SLC1A2: variants seen among roughly 807,000 people sequenced by gnomAD.
The protein encoded by SLC1A2 is solute carrier family 1 member 2.
In SLC1A2, 15 loss-of-function variants were observed where a neutral mutation model predicts 48.8. The ratio of observed to expected loss-of-function variants is 0.31; its 90% CI spans 0.21 to 0.47. The LOEUF (loss-of-function observed/expected upper bound fraction) is 0.47, where lower values mean the gene tolerates loss of function less well. SLC1A2 is among the 20% of genes least tolerant of loss of function. The pLI is 0.99. For missense variants in SLC1A2, 502 were observed against 730.5 expected, an observed-to-expected ratio of 0.69 and a Z score of 3.61; for synonymous variants, 279 against 272.6, an observed-to-expected ratio of 1.02 and a Z score of -0.23.
chr11:35,385,501 C>A (rs1458983441), intron 1 of SLC1A2, among the ~76,000 whole-genome samples: 1 of 152,174 alleles, frequency 6.6e-6, no homozygotes, highest in Non-Finnish European at 1.5e-5. Context: ...ACAGAAGAAC[C>A]TGCAGAGGGG....
rs1851918581 is a variant in SLC1A2, at chr11:35,317,418, T to C, written c.116A>G (p.Asp39Gly). 1.2e-6 allele frequency: 2 copies of C among 1,614,034 alleles called. No homozygotes were observed. ...KHRHLGLRLC[D>G]KLGKNLLLTL... ...GAGCAGCAGATTCTTCCCCAGCTTG[T>C]CACACAGGCGCAGGCCCAGGTGCCG... Residue 39 changes from aspartate (D) to glycine (G), a missense_variant, in exon 2 of 11, where the codon GAC (aspartate) becomes GGC (glycine). Asp to Gly is a moderately conservative substitution (Grantham distance 94). Around this residue, in one of 4 missense-constraint regions of SLC1A2, gnomAD observed 89 missense variants for 119.7 expected, o/e 0.74. Coordinates refer to ENST00000278379, the MANE Select transcript of SLC1A2 (RefSeq NM_004171.4).
intron 1 of SLC1A2, among the ~76,000 whole-genome samples, chr11:35,415,126 G>GT (rs994200081): frequency 1.8e-4 from 27 of 152,296 alleles, no homozygotes; most frequent in African/African-American, 6.0e-4. Context: ...TATATTGCTC[G>GT]TTTTTTGCAG....
chr11:35,355,346 C>G (rs146108590), intron 1 of SLC1A2, among the ~76,000 whole-genome samples: 1 of 152,234 alleles, frequency 6.6e-6, no homozygotes, highest in African/African-American at 2.4e-5. Flanking sequence ...CCTCCCAACC[C>G]TTCACACCCT....
chr11:35,278,875 C>T (rs1297372537), intron 9 of SLC1A2, among the ~76,000 whole-genome samples: 3 of 151,854 alleles, frequency 2.0e-5, no homozygotes, highest in Admixed American at 6.6e-5. Flanking sequence ...AAAAATTAGC[C>T]GGGTGTGGTG....
intron 1 of SLC1A2, among the ~76,000 whole-genome samples, chr11:35,335,246 A>T (rs7114383): frequency 0.22 from 33,572 of 152,108 alleles, 3,806 homozygotes; most frequent in Middle Eastern, 0.27. Context: ...TCTCATCAAC[A>T]TACCCAACCT....
At chr11:35,411,558 A>G (rs1855461918) in intron 1 of SLC1A2, among the ~76,000 whole-genome samples, 1 of 152,172 alleles carries the variant, frequency 6.6e-6, no homozygotes, top group African/African-American at 2.4e-5. Flanking sequence ...CACGCTCAAG[A>G]GATCCTCTCG....
intron 1 of SLC1A2, among the ~76,000 whole-genome samples, chr11:35,328,042 G>C (rs1185272418): frequency 6.6e-6 from 1 of 152,214 alleles, no homozygotes; most frequent in African/African-American, 2.4e-5. Context: ...AGGAAGTGCT[G>C]CTAAATGAGA....
chr11:35,361,370 A>G (rs1381876814), intron 1 of SLC1A2, among the ~76,000 whole-genome samples: 1 of 152,224 alleles, frequency 6.6e-6, no homozygotes, highest in Non-Finnish European at 1.5e-5. Flanking sequence ...TATTTTTCTT[A>G]TGTAAGAACT....
At chr11:35,305,108 G>A (rs1374004002) in intron 5 of SLC1A2, among the ~76,000 whole-genome samples, 1 of 152,136 alleles carries the variant, frequency 6.6e-6, no homozygotes, top group Admixed American at 6.5e-5. Context: ...CCTATTTCCT[G>A]TCTCGGGGAC....
At chr11:35,314,109 C>A (rs987953342) in intron 3 of SLC1A2, among the ~76,000 whole-genome samples, 1 of 152,144 alleles carries the variant, frequency 6.6e-6, no homozygotes, top group African/African-American at 2.4e-5. Flanking sequence ...AGAGGAAGAA[C>A]AAATTCTTTC....
At chr11:35,311,344 G>A (rs933414237) in intron 4 of SLC1A2, among the ~76,000 whole-genome samples, 4 of 152,106 alleles carry the variant, frequency 2.6e-5, no homozygotes, top group Non-Finnish European at 5.9e-5. Context: ...ATTTTTAGTA[G>A]AGATGGGGTT....
chr11:35,383,888 C>T (rs1212332101), intron 1 of SLC1A2, among the ~76,000 whole-genome samples: 1 of 152,162 alleles, frequency 6.6e-6, no homozygotes, highest in Non-Finnish European at 1.5e-5. Flanking sequence ...CTCAGTACAT[C>T]TATGGTGTGA....
At chr11:35,314,595 C>T (rs1401801100) in intron 3 of SLC1A2, among the ~76,000 whole-genome samples, 1 of 151,902 alleles carries the variant, frequency 6.6e-6, no homozygotes, top group Non-Finnish European at 1.5e-5. Context: ...TGCCTGTAGT[C>T]CCAGCTACTC....
chr11:35,420,315 A>G (rs1049314325), upstream of SLC1A2, among the ~76,000 whole-genome samples: 13 of 151,606 alleles, frequency 8.6e-5, no homozygotes, highest in African/African-American at 3.1e-4. Flanking sequence ...TGTGCAAGGG[A>G]GAGTTCGAGC....
At chr11:35,318,817 A>AT (rs1252487901) in intron 1 of SLC1A2, among the ~76,000 whole-genome samples, 4 of 152,202 alleles carry the variant, frequency 2.6e-5, no homozygotes, top group African/African-American at 9.6e-5. Flanking sequence ...CAAGGATGAC[A>AT]TTTTGTTCAG....
At chr11:35,376,668 C>T (rs1854242384) in intron 1 of SLC1A2, among the ~76,000 whole-genome samples, 6 of 152,172 alleles carry the variant, frequency 3.9e-5, no homozygotes, top group Admixed American at 3.3e-4. Context: ...TGAATAATTA[C>T]TCATCTTGAT....
chr11:35,415,088 C>T (rs1348622281), intron 1 of SLC1A2, among the ~76,000 whole-genome samples: 3 of 152,186 alleles, frequency 2.0e-5, no homozygotes, highest in South Asian at 2.1e-4. Flanking sequence ...GGCACACTGA[C>T]CCAGAAATCT....
chr11:35,336,004 A>G (rs912523577), intron 1 of SLC1A2, among the ~76,000 whole-genome samples: 1 of 152,218 alleles, frequency 6.6e-6, no homozygotes, highest in Admixed American at 6.5e-5. Flanking sequence ...GAATAAGATC[A>G]TCTCCTTCAG....
At chr11:35,370,034 G>A (rs1386259399) in intron 1 of SLC1A2, among the ~76,000 whole-genome samples, 1 of 151,328 alleles carries the variant, frequency 6.6e-6, no homozygotes. Flanking sequence ...TGTGGGCAAA[G>A]GCATGAAGGG....
Sources: allele counts gnomAD v4.1 joint callset (sites outside exome capture counted in the v4.1 genomes callset), GRCh38; gene constraint gnomAD v4.1.1; regional missense constraint gnomAD v4.1.1; transcripts MANE v1.5; gene names NCBI Gene and HGNC (gene_info 2026-07-23, HGNC 2026-07-21).